The following FRK variants were observed in gnomAD, a reference collection of about 807,000 sequenced individuals.
FRK encodes tyrosine-protein kinase FRK.
In FRK, 51 loss-of-function variants were observed where a neutral mutation model predicts 56.4. The ratio of observed to expected loss-of-function variants is 0.90; its 90% CI spans 0.72 to 1.14. The LOEUF (loss-of-function observed/expected upper bound fraction) is 1.14. Among genes scored for constraint, FRK ranks in the 50% most tolerant of loss-of-function variants. The pLI is 0.00. For missense variants in FRK, 570 were observed against 601.4 expected (o/e 0.95, Z 0.55); for synonymous variants, 245 against 217.9 (o/e 1.12, Z -1.10).
the FRK span, among the ~76,000 whole-genome samples, chr6:116,098,076 C>T: frequency 3.3e-5 from 5 of 149,894 alleles, no homozygotes; most frequent in Non-Finnish European, 7.4e-5. Context: ...TCTGGTGAAG[C>T]CACTCTCCTT....
chr6:116,014,607 T>A (rs969064297), intron 1 of FRK, among the ~76,000 whole-genome samples: 7 of 151,658 alleles, frequency 4.6e-5, no homozygotes, highest in Non-Finnish European at 1.0e-4. Context: ...TACAGATAAT[T>A]CCATGTGGAA....
At chr6:115,985,016 T>A (rs1774339240) in intron 2 of FRK, among the ~76,000 whole-genome samples, 1 of 152,130 alleles carries the variant, frequency 6.6e-6, no homozygotes, top group Admixed American at 6.6e-5. Context: ...AGCCTTGTAC[T>A]TGAAAGGCAG....
the FRK span, among the ~76,000 whole-genome samples, chr6:116,089,885 GA>G: frequency 8.8e-5 from 13 of 147,764 alleles, no homozygotes; most frequent in East Asian, 2.0e-4. Flanking sequence ...ACTTCTGAAG[GA>G]AAAAAAAAAT....
At chr6:116,004,391 A>G (rs888850872) in intron 1 of FRK, among the ~76,000 whole-genome samples, 2 of 151,830 alleles carry the variant, frequency 1.3e-5, no homozygotes, top group South Asian at 2.1e-4. Flanking sequence ...TTCCCCTAAC[A>G]CCTCTGAGCT....
intron 1 of FRK, among the ~76,000 whole-genome samples, chr6:116,018,892 C>T (rs1460944999): frequency 1.3e-5 from 2 of 152,204 alleles, no homozygotes; most frequent in Admixed American, 6.5e-5. Context: ...AAGAGACCTG[C>T]TGTTGGAAAG....
chr6:116,025,811 A>G (rs1172012604), intron 1 of FRK, among the ~76,000 whole-genome samples: 5 of 152,158 alleles, frequency 3.3e-5, no homozygotes, highest in Admixed American at 6.6e-5. Context: ...TACTGTTGGG[A>G]AAACAAGCTA....
intron 1 of FRK, among the ~76,000 whole-genome samples, chr6:116,025,479 T>A (rs1337871553): frequency 6.6e-6 from 1 of 152,200 alleles, no homozygotes; most frequent in Non-Finnish European, 1.5e-5. Context: ...AAATATTCTA[T>A]TGAATTTCAG....
At chr6:115,943,941 G>A (rs1772313944) in intron 6 of FRK, among the ~76,000 whole-genome samples, 1 of 152,150 alleles carries the variant, frequency 6.6e-6, no homozygotes, top group Admixed American at 6.5e-5. Context: ...TACTGCTTTT[G>A]TAAAGGAAAT....
chr6:116,095,398 G>A, the FRK span, among the ~76,000 whole-genome samples: 4 of 152,204 alleles, frequency 2.6e-5, no homozygotes, highest in Non-Finnish European at 4.4e-5. Flanking sequence ...TCAATTCTAA[G>A]TTAATATGGA....
At chr6:115,944,132 C>T (rs912095301) in intron 6 of FRK, 112 bp downstream of exon 6, 19 of 837,256 alleles carry the variant, frequency 2.3e-5, no homozygotes, top group Middle Eastern at 7.5e-4. Context: ...AGTTTATGGA[C>T]TACAGAACTT....
chr6:116,096,361 G>C, the FRK span, among the ~76,000 whole-genome samples: 1 of 152,164 alleles, frequency 6.6e-6, no homozygotes, highest in Non-Finnish European at 1.5e-5. Context: ...GGGATTTTTT[G>C]TGTCTAGCTA....
intron 1 of FRK, among the ~76,000 whole-genome samples, chr6:116,021,847 T>A (rs1470407689): frequency 6.6e-6 from 1 of 151,626 alleles, no homozygotes; most frequent in Non-Finnish European, 1.5e-5. Context: ...TAAAAAATGG[T>A]CAAAGGAAAA....
At chr6:116,081,613 A>G in the FRK span, among the ~76,000 whole-genome samples, 35 of 152,058 alleles carry the variant, frequency 2.3e-4, 1 homozygote, top group Non-Finnish European at 1.0e-4. Flanking sequence ...ACCCGAGACC[A>G]TGCCACTGCA....
chr6:116,087,520 C>G, the FRK span, among the ~76,000 whole-genome samples: 1 of 152,222 alleles, frequency 6.6e-6, no homozygotes, highest in Admixed American at 6.5e-5. Flanking sequence ...CTATGTGAGT[C>G]ATGACACGAA....
intron 1 of FRK, among the ~76,000 whole-genome samples, chr6:116,058,866 G>C (rs1021296762): frequency 1.4e-5 from 2 of 146,448 alleles, no homozygotes; most frequent in East Asian, 2.0e-4. Context: ...AGCCGAGATC[G>C]CGCCACTGCA....
At chr6:115,996,394 G>A (rs185592686) in intron 2 of FRK, among the ~76,000 whole-genome samples, 3 of 152,232 alleles carry the variant, frequency 2.0e-5, no homozygotes, top group Non-Finnish European at 4.4e-5. Flanking sequence ...CATGGTAGCT[G>A]AAGGGTCTGT....
intron 2 of FRK, among the ~76,000 whole-genome samples, chr6:115,984,259 T>C (rs1774310341): frequency 6.6e-6 from 1 of 152,174 alleles, no homozygotes; most frequent in Non-Finnish European, 1.5e-5. Flanking sequence ...ATGTCTTCTT[T>C]ATTATCCTAG....
the FRK span, among the ~76,000 whole-genome samples, chr6:116,099,467 A>T: frequency 6.6e-6 from 1 of 152,236 alleles, no homozygotes; most frequent in African/African-American, 2.4e-5. Flanking sequence ...TCCAGGGCCA[A>T]CAAGCTTTTT....
At chr6:115,948,674 CCT>C (rs1409771253) in intron 5 of FRK, among the ~76,000 whole-genome samples, 1 of 152,190 alleles carries the variant, frequency 6.6e-6, no homozygotes, top group African/African-American at 2.4e-5. Flanking sequence ...CATATTCTCC[CCT>C]GAGTTCCAGA....
Sources: gnomAD v4.1 joint callset for allele counts (sites outside exome capture counted in the v4.1 genomes callset) on GRCh38, gnomAD v4.1.1 for gene constraint, MANE v1.5 for transcripts, NCBI Gene and HGNC (gene_info 2026-07-23, HGNC 2026-07-21) for gene names.